Variants in BOP1 observed in about 807,000 individuals in gnomAD.
The protein encoded by BOP1 is ribosome biogenesis protein BOP1.
A neutral mutation model predicts 82.9 loss-of-function variants in BOP1; 54 were observed. The observed-to-expected ratio is 0.65, with a 90% confidence interval of 0.52 to 0.82. BOP1 has a LOEUF of 0.82. Among genes scored for constraint, BOP1 ranks in the 40% least tolerant of loss-of-function variants. The pLI is 0.00. For missense variants in BOP1, 1,170 were observed against 1,072.0 expected, an observed-to-expected ratio of 1.09 and a Z score of -1.28; for synonymous variants, 566 against 451.1, an observed-to-expected ratio of 1.25 and a Z score of -3.23.
intron 2 of BOP1, among the ~76,000 whole-genome samples, chr8:144,279,263 C>T (rs1039522933): frequency 2.0e-5 from 3 of 151,538 alleles, no homozygotes; most frequent in Non-Finnish European, 2.9e-5. Flanking sequence ...ATGGGCCCCA[C>T]GATCACCACA....
At chr8:144,283,424 G>C (rs527409739) in intron 2 of BOP1, among the ~76,000 whole-genome samples, 1 of 152,288 alleles carries the variant, frequency 6.6e-6, no homozygotes, top group South Asian at 2.1e-4. Context: ...ACAGGGAAGA[G>C]ACAGAAGGGC....
chr8:144,269,734 G>T (rs984835791), intron 3 of BOP1, among the ~76,000 whole-genome samples: 2 of 152,206 alleles, frequency 1.3e-5, no homozygotes, highest in Admixed American at 6.5e-5. Context: ...GCCTCCGCCC[G>T]CCGGGAAGCC....
chr8:144,283,738 G>T (rs1814782204), intron 2 of BOP1, among the ~76,000 whole-genome samples: 1 of 152,264 alleles, frequency 6.6e-6, no homozygotes, highest in South Asian at 2.1e-4. Context: ...GAGGGAGGCT[G>T]GTGGTGGGAA....
At chr8:144,281,064 A>G (rs1338226337) in intron 2 of BOP1, among the ~76,000 whole-genome samples, 43 of 150,036 alleles carry the variant, frequency 2.9e-4, no homozygotes, top group African/African-American at 1.0e-3. Flanking sequence ...TCTCACTTTC[A>G]TACCAGGTCT....
chr8:144,277,244 G>C (rs1029243511), intron 2 of BOP1, among the ~76,000 whole-genome samples: 3 of 152,050 alleles, frequency 2.0e-5, no homozygotes, highest in African/African-American at 7.2e-5. Flanking sequence ...AGAGATGGGA[G>C]ACTAAGTTTT....
chr8:144,264,433 G>GT lies in BOP1; in HGVS notation c.769_770insA (p.Ser257TyrfsTer26). ...CATCTTGATGGCGTGCACCATGCGA[G>GT]AGACCTGCATAGACAGCCGGGTCAG... On this transcript the variant is annotated frameshift_variant, in exon 7 of 16. Transcript: ENST00000569669. LOFTEE classifies it high-confidence loss of function. 1 of 1,603,904 alleles carries GT rather than the reference G, an allele frequency of 6.2e-7. No homozygotes were observed. The highest frequency in any genetic ancestry group is 8.5e-7 in the Non-Finnish European group (1 of 1,179,696).
chr8:144,262,944 G>T lies in BOP1; in HGVS notation c.1803C>A (p.Ser601Arg). 1 of 1,546,912 alleles carries T rather than the reference G, an allele frequency of 6.5e-7. No individual in the cohort carries two copies. Among genetic ancestry groups the T allele is most frequent in the Non-Finnish European group, 8.7e-7 (1 of 1,152,754 alleles). ...RPFLLVASQR[S>R]VRLYHLLRQE... ...GGCGCAGCAGGTGGTAGAGGCGGAC[G>T]CTGCGCTGGGACGCCACCAACAGGA... Residue 601 changes from serine to arginine, a missense_variant, in exon 13 of 16, where the codon AGC becomes AGA. Transcript: ENST00000569669.
rs1845309440 is a variant in BOP1, at chr8:144,264,452, G to GGGTCAGGACGGGCAGTGCGGGGC, written c.766-38_766-16dup. 3.7e-6 allele frequency: 6 copies of GGGTCAGGACGGGCAGTGCGGGGC among 1,605,662 alleles called. No individual in the cohort carries two copies. Among genetic ancestry groups the GGGTCAGGACGGGCAGTGCGGGGC allele is most frequent in the Non-Finnish European group, 5.1e-6 (6 of 1,179,596 alleles). On this transcript the variant is annotated splice_polypyrimidine_tract_variant and intron_variant, in intron 6 of 15. Transcript: ENST00000569669. ...ATGCGAGAGACCTGCATAGACAGCC[G>GGGTCAGGACGGGCAGTGCGGGGC]GGTCAGGACGGGCAGTGCGGGGCGG...
At chr8:144,268,159 G>A (rs1193659201) in intron 3 of BOP1, 2 of 1,550,224 alleles carry the variant, frequency 1.3e-6, no homozygotes, top group African/African-American at 1.4e-5. Context: ...GCCGGCAGCA[G>A]CCAGGAGGCA....
At chr8:144,281,076 C>CCTTCTCTCACTTTAATACCAGGTCTTA (rs1845667804) in intron 2 of BOP1, among the ~76,000 whole-genome samples, 4 of 46,140 alleles carry the variant, frequency 8.7e-5, no homozygotes, top group Admixed American at 2.2e-4. Flanking sequence ...ACCAGGTCTT[C>CCTTCTCTCACTTTAATACCAGGTCTTA]GGCCTTCTCT....
intron 3 of BOP1, among the ~76,000 whole-genome samples, chr8:144,273,123 G>C (rs1028892035): frequency 6.6e-6 from 1 of 152,162 alleles, no homozygotes; most frequent in Non-Finnish European, 1.5e-5. Flanking sequence ...AGGCCGCGCC[G>C]CCAGCAGCGA....
chr8:144,266,936 A>G, intron 3 of BOP1: 1 of 1,559,054 alleles, frequency 6.4e-7, no homozygotes, highest in East Asian at 2.4e-5. Context: ...GAGCCCGCCG[A>G]CCGCAAGCTC....
At chr8:144,268,043 G>A (rs1845419123) in intron 3 of BOP1, 2 of 1,548,926 alleles carry the variant, frequency 1.3e-6, no homozygotes, top group Non-Finnish European at 1.7e-6. Flanking sequence ...AGGGAGGCCA[G>A]AGAGGCGCAG....
chr8:144,287,316 T>C (rs1203812173), intron 2 of BOP1, among the ~76,000 whole-genome samples: 3 of 152,166 alleles, frequency 2.0e-5, no homozygotes, highest in African/African-American at 7.2e-5. Flanking sequence ...GCTGAAAGAA[T>C]TTAATAAAAA....
chr8:144,281,447 CAGTTTAAT>C (rs1845677769), intron 2 of BOP1, among the ~76,000 whole-genome samples: 10 of 2,260 alleles, frequency 4.4e-3, no homozygotes, highest in African/African-American at 5.5e-3. Context: ...GGCCTTCTCT[CAGTTTAAT>C]ACCAGGTCTT....
In BOP1 at chr8:144,278,249, AGCAGGATGCGGGGCCGCTG is replaced by A. The variant is rs201107753; in HGVS notation, c.310-1964_310-1946del. 9.3e-3 allele frequency among the ~76,000 whole-genome samples: 1,423 copies of A among 152,296 alleles called. 26 individuals are homozygous for A. The highest frequency in any genetic ancestry group is 0.033 in the African/African-American group (1,363 of 41,568). On this transcript the variant is annotated intron_variant, in intron 2 of 15. Coordinates refer to ENST00000569669, the MANE Select transcript of BOP1 (RefSeq NM_015201.5). The stretch of plus-strand genomic sequence containing the variant: ...AGGGGGAGCGCAAGGACGAGGTGCC[AGCAGGATGCGGGGCCGCTG>A]GGGCCAAGGAAAGGCTGCTGTAGTC...
intron 14 of BOP1, 26 bp from the exon 15 acceptor site, chr8:144,262,529 G>C (rs1384923625): frequency 3.7e-6 from 6 of 1,612,818 alleles, no homozygotes; most frequent in Admixed American, 1.7e-5. Flanking sequence ...CAGGTTGAAG[G>C]CAGGCTCGGG....
intron 3 of BOP1, among the ~76,000 whole-genome samples, chr8:144,273,258 G>A (rs936262369): frequency 1.4e-4 from 21 of 152,212 alleles, no homozygotes; most frequent in Non-Finnish European, 2.8e-4. Flanking sequence ...CGCTTGGCGC[G>A]AGAGCAGAGG....
Position 144,291,229 on chromosome 8 carries a change from C to T in BOP1, c.99+43G>A. 7.1e-7 allele frequency: 1 copy of T among 1,401,942 alleles called. No homozygotes were observed. The allele number at this position is 1,401,942 out of a possible 1,614,324, so 86.8% of individuals were successfully genotyped here. A position where few individuals can be genotyped will look rare whatever the true frequency, so the allele number is the denominator to read the frequency against. Reference sequence around the variant, plus strand: ...CCAGCGCGGCCACGTGCCCGCCGGGCCCTCTAGGGACGCGCCCCGCCGCCC... The same window carrying T: ...CCAGCGCGGCCACGTGCCCGCCGGGTCCTCTAGGGACGCGCCCCGCCGCCC... On this transcript the variant is annotated intron_variant, in intron 1 of 15. Transcript: ENST00000569669. This position sits in a 1 kb window ranked among gnomAD's most constrained non-coding sequence, Gnocchi z 4.1.
Sources: gnomAD v4.1 joint callset for allele counts (sites outside exome capture counted in the v4.1 genomes callset) on GRCh38, gnomAD v4.1.1 for gene constraint, Gnocchi (gnomAD v3.1) non-coding constraint, MANE v1.5 for transcripts, NCBI Gene and HGNC (gene_info 2026-07-23, HGNC 2026-07-21) for gene names.